The following LPIN1 variants were observed in gnomAD, a reference collection of about 807,000 sequenced individuals.
LPIN1 encodes the protein phosphatidate phosphatase LPIN1.
A neutral mutation model predicts 107.5 loss-of-function variants in LPIN1; 71 were observed. The ratio of observed to expected loss-of-function variants is 0.66; its 90% confidence interval spans 0.55 to 0.80. LPIN1 has a LOEUF of 0.80. Among genes scored for constraint, LPIN1 ranks in the 30% least tolerant of loss-of-function variants. The pLI is 0.00. For missense variants in LPIN1, 1,043 were observed against 1,160.6 expected (o/e 0.90, Z 1.47); for synonymous variants, 445 against 452.6 (o/e 0.98, Z 0.21).
In LPIN1 at chr2:11,782,638, C is replaced by A. The variant is rs898880812; in HGVS notation, c.1264+131C>A. The A allele has an allele frequency of 4.9e-6, 5 of 1,010,972 alleles. No individual in the cohort carries two copies. In the African/African-American group the frequency reaches 8.1e-5, roughly 16 times the overall value. The allele number at this position is 1,010,972 out of a possible 1,614,324, so 62.6% of individuals were successfully genotyped here. A position where few individuals can be genotyped will look rare whatever the true frequency, so the allele number is the denominator to read the frequency against. ...AACCGTGACAATGATCATGTTCAGT[C>A]TGAGCTCTTCAGCAGAATATATTAA... On this transcript the variant is annotated intron_variant, in intron 8 of 20. Transcript: ENST00000674199.
intron 1 of LPIN1, among the ~76,000 whole-genome samples, chr2:11,763,688 C>T (rs75919343): frequency 0.01 from 1,574 of 152,096 alleles, 23 homozygotes; most frequent in African/African-American, 0.035. Context: ...CAGCAGAGCC[C>T]GCATCTCCTG....
chr2:11,788,691 A>G (rs1675111274), intron 12 of LPIN1, among the ~76,000 whole-genome samples: 2 of 152,166 alleles, frequency 1.3e-5, no homozygotes, highest in South Asian at 4.2e-4. Flanking sequence ...CGGACCGAAG[A>G]TTCCTTTCTC....
At chr2:11,739,070 G>A (rs1666078667) in intron 1 of LPIN1, among the ~76,000 whole-genome samples, 1 of 152,236 alleles carries the variant, frequency 6.6e-6, no homozygotes, top group Admixed American at 6.5e-5. Flanking sequence ...AGAATGTGGT[G>A]AAAGTGACGA....
At position 11,805,164 on chromosome 2, in the gene LPIN1, C is replaced by T. The variant is rs1225829290; in HGVS notation, c.2249+8C>T. 2 of 1,606,938 alleles carry T rather than the reference C, an allele frequency of 1.2e-6. No individual in the cohort carries two copies. The highest frequency in any genetic ancestry group is 1.7e-6 in the Non-Finnish European group (2 of 1,173,556). ...GTACCATAAAGTGAGCCAGTGAGTA[C>T]AGAGTTCCTGTTTCCCGCCTCCTGT... On this transcript the variant is annotated splice_region_variant and intron_variant, in intron 17 of 20. Transcript: ENST00000674199.
At chr2:11,720,927 G>A (rs571449579), upstream of LPIN1, among the ~76,000 whole-genome samples, 33 of 152,116 alleles carry the variant, frequency 2.2e-4, no homozygotes, top group Middle Eastern at 3.4e-3. Context: ...ACTGAGTAAT[G>A]TTAGGACAGG....
intron 1 of LPIN1, among the ~76,000 whole-genome samples, chr2:11,690,728 G>T (rs1662227648): frequency 6.6e-6 from 1 of 151,688 alleles, no homozygotes; most frequent in South Asian, 2.1e-4. Flanking sequence ...TTTCCTGTTA[G>T]GTTTTATCTA....
intron 20 of LPIN1, 35 bp downstream of exon 20, chr2:11,820,549 T>C (rs1254125848): frequency 6.9e-7 from 1 of 1,447,776 alleles, no homozygotes; most frequent in East Asian, 2.3e-5. Flanking sequence ...GATTATGATA[T>C]CAGTACTATT....
rs976221451 is a variant in LPIN1 at position 11,771,536 on chromosome 2, A to G, written c.453A>G (p.Val151=). The G allele has an allele frequency of 6.2e-7, 1 of 1,614,186 alleles. No individual in the cohort carries two copies. The change falls in exon 4 of 21, where the codon GTA becomes GTG. Residue 151 remains valine, a synonymous_variant. Coordinates refer to ENST00000674199, the MANE Select transcript of LPIN1 (RefSeq NM_001349206.2). This position sits in a 1 kb window ranked among gnomAD's most constrained non-coding sequence, Gnocchi z 4.8. ...APSETPSSSS[V]VKKRRKRRRK... ...GCGAGACGCCGTCAAGCAGCTCTGT[A>G]GTAAAGAAGAGAAGAAAAAGGAGGA...
At chr2:11,681,071 T>C (rs889414166) in intron 1 of LPIN1, among the ~76,000 whole-genome samples, 1 of 152,128 alleles carries the variant, frequency 6.6e-6, no homozygotes, top group Non-Finnish European at 1.5e-5. Context: ...GGACTGCAAA[T>C]ACAATGGTGC....
chr2:11,791,460 T>C (rs1319736246), intron 12 of LPIN1, among the ~76,000 whole-genome samples: 2 of 152,260 alleles, frequency 1.3e-5, no homozygotes, highest in Admixed American at 6.5e-5. Flanking sequence ...AATTTACCCT[T>C]AGTAAAAATC....
upstream of LPIN1, chr2:11,721,880 C>G (rs1664172694): frequency 6.6e-6 from 1 of 152,424 alleles, no homozygotes; most frequent in African/African-American, 2.4e-5. Context: ...AATGCCAGCT[C>G]AGCACAGAGA....
chr2:11,804,049 A>G (rs1036968925), intron 15 of LPIN1, among the ~76,000 whole-genome samples: 3 of 152,220 alleles, frequency 2.0e-5, no homozygotes, highest in Admixed American at 6.5e-5. Flanking sequence ...ATTTAGTCCT[A>G]GAGTGGTAAG....
At position 11,765,129 on chromosome 2, in the gene LPIN1, G is replaced by T. The variant is rs937368449; in HGVS notation, c.-9-404G>T. On this transcript the variant is annotated intron_variant, in intron 1 of 20. Coordinates refer to ENST00000674199, the MANE Select transcript of LPIN1 (RefSeq NM_001349206.2). This position sits in a 1 kb window ranked among gnomAD's most constrained non-coding sequence, Gnocchi z 4.4. ...GATGGGCCATGGTGGACACTGATGG[G>T]CCGTAATGGGCCATGATGGACCGTG... Among the ~76,000 whole-genome samples the T allele has an allele frequency of 3.3e-5, 5 of 151,970 alleles. No homozygotes were observed. The highest frequency in any genetic ancestry group is 7.4e-5 in the Non-Finnish European group (5 of 67,952).
At chr2:11,705,654 A>G (rs532502788) in intron 1 of LPIN1, among the ~76,000 whole-genome samples, 1 of 152,190 alleles carries the variant, frequency 6.6e-6, no homozygotes, top group Non-Finnish European at 1.5e-5. Context: ...AGTAAGCTGA[A>G]TAGGAGGGGT....
At chr2:11,779,391 A>C (rs1046221860) in intron 6 of LPIN1, 128 bp from the exon 7 acceptor site, 2 of 1,011,424 alleles carry the variant, frequency 2.0e-6, no homozygotes, top group East Asian at 5.3e-5. Context: ...ATTTGTCATG[A>C]GGCTCCGCTC....
intron 1 of LPIN1, among the ~76,000 whole-genome samples, chr2:11,731,091 G>A (rs1453199206): frequency 1.3e-5 from 2 of 152,134 alleles, no homozygotes; most frequent in Non-Finnish European, 2.9e-5. Context: ...TTTAAGTTCC[G>A]GGATACATGT....
chr2:11,717,417 G>C (rs919629173), intron 2 of LPIN1, among the ~76,000 whole-genome samples: 4 of 151,948 alleles, frequency 2.6e-5, no homozygotes, highest in Non-Finnish European at 5.9e-5. Context: ...GGAGAGATAT[G>C]GGGGGTGTTT....
chr2:11,760,875 C>T (rs1357176967), intron 1 of LPIN1, among the ~76,000 whole-genome samples: 2 of 152,082 alleles, frequency 1.3e-5, no homozygotes, highest in Non-Finnish European at 2.9e-5. Flanking sequence ...ACATAGCTCA[C>T]GTGCAAGGGT....
Position 11,765,633 on chromosome 2 carries a change from T to A in LPIN1, c.92T>A (p.Ile31Asn). 1 of 1,614,138 alleles carries A rather than the reference T, an allele frequency of 6.2e-7. No individual in the cohort carries two copies. The highest frequency in any genetic ancestry group is 8.5e-7 in the Non-Finnish European group (1 of 1,180,002). Reference sequence around the variant, plus strand: ...AATCCCGCCACACTCTCAGGGTGCATTGACATCATTGTCATCCGCCAGCCC... The same window carrying A: ...AATCCCGCCACACTCTCAGGGTGCAATGACATCATTGTCATCCGCCAGCCC... ...GLNPATLSGC[I>N]DIIVIRQPNG... is the part of the protein sequence containing the mutation. The change falls in exon 2 of 21, where the codon ATT (isoleucine) becomes AAT (asparagine). Residue 31 changes from isoleucine (I) to asparagine (N), a missense_variant. Ile to Asn is a moderately radical substitution (Grantham distance 149). Coordinates refer to ENST00000674199, the MANE Select transcript of LPIN1 (RefSeq NM_001349206.2). The surrounding 1 kb of genome is among the most constrained non-coding windows in gnomAD (Gnocchi z 4.4).
Sources: gnomAD v4.1 joint callset for allele counts (sites outside exome capture counted in the v4.1 genomes callset) on GRCh38, gnomAD v4.1.1 for gene constraint, Gnocchi (gnomAD v3.1) non-coding constraint, MANE v1.5 for transcripts, NCBI Gene and HGNC (gene_info 2026-07-23, HGNC 2026-07-21) for gene names.